The following RIMS2 variants were observed in gnomAD, a reference collection of about 807,000 sequenced individuals.
RIMS2 encodes regulating synaptic membrane exocytosis protein 2.
A neutral mutation model predicts 174.4 loss-of-function variants in RIMS2; 59 were observed. The ratio of observed to expected loss-of-function variants is 0.34; its 90% CI spans 0.27 to 0.42. The LOEUF (loss-of-function observed/expected upper bound fraction) is 0.42, where lower values mean the gene tolerates loss of function less well. RIMS2 is among the 10% of genes least tolerant of loss of function. The probability of loss-of-function intolerance (pLI) is 1.00; values close to 1 mark genes in which losing one functional copy is unlikely to be tolerated. For synonymous variants in RIMS2, 606 were observed against 572.5 expected, an observed-to-expected ratio of 1.06 and a Z score of -0.84; for missense variants, 1,620 against 1,666.3, an observed-to-expected ratio of 0.97 and a Z score of 0.48.
At chr8:103,686,560 G>T (rs192874014) in intron 1 of RIMS2, among the ~76,000 whole-genome samples, 59 of 152,154 alleles carry the variant, frequency 3.9e-4, no homozygotes, top group African/African-American at 1.4e-3. Flanking sequence ...ATATTTTTAG[G>T]TAATCATATT....
chr8:103,951,888 T>C (rs575247830), intron 14 of RIMS2, among the ~76,000 whole-genome samples: 1 of 152,324 alleles, frequency 6.6e-6, no homozygotes, highest in African/African-American at 2.4e-5. Context: ...CAGTCTGAGT[T>C]CTACCTGGGA....
intron 3 of RIMS2, among the ~76,000 whole-genome samples, chr8:103,782,151 T>C (rs2098397276): frequency 6.6e-6 from 1 of 152,126 alleles, no homozygotes; most frequent in East Asian, 1.9e-4. Flanking sequence ...CTATTTTTGT[T>C]TGAGTGTGTA....
chr8:103,615,906 C>G (rs6468883), intron 1 of RIMS2, among the ~76,000 whole-genome samples: 57,092 of 151,866 alleles, frequency 0.38, 11,066 homozygotes, highest in African/African-American at 0.4. Flanking sequence ...AAACGCCCAA[C>G]ACCTGATGGA....
chr8:104,222,229 G>C (rs143037034), intron 19 of RIMS2, among the ~76,000 whole-genome samples: 2 of 152,180 alleles, frequency 1.3e-5, no homozygotes, highest in African/African-American at 4.8e-5. Context: ...TAAGCTTCAT[G>C]AGAGCAGGGA....
chr8:104,252,461 G>T (rs1407530395), downstream of RIMS2: 1 of 150,012 alleles, frequency 6.7e-6, no homozygotes, highest in African/African-American at 2.5e-5. Context: ...TGAAATTAAA[G>T]AAACTTTTTT....
At chr8:104,153,000 C>T (rs547739353) in intron 19 of RIMS2, among the ~76,000 whole-genome samples, 1 of 152,094 alleles carries the variant, frequency 6.6e-6, no homozygotes, top group African/African-American at 2.4e-5. Flanking sequence ...AGAGTAGAAA[C>T]TCAGCAAAAC....
chr8:104,212,651 G>A (rs534861990), intron 19 of RIMS2, among the ~76,000 whole-genome samples: 2 of 152,232 alleles, frequency 1.3e-5, no homozygotes, highest in East Asian at 1.9e-4. Context: ...ACTAAATCAT[G>A]ATTTCTTTAC....
At chr8:104,098,494 T>C (rs1446540563) in intron 19 of RIMS2, among the ~76,000 whole-genome samples, 2 of 152,158 alleles carry the variant, frequency 1.3e-5, no homozygotes, top group African/African-American at 2.4e-5. Flanking sequence ...AGCAACAATG[T>C]TGGTAATTTT....
chr8:103,557,644 A>G (rs2090739425), intron 1 of RIMS2, among the ~76,000 whole-genome samples: 1 of 152,222 alleles, frequency 6.6e-6, no homozygotes, highest in Admixed American at 6.5e-5. Flanking sequence ...TACATTCTCT[A>G]TCATTGCTAT....
At chr8:104,081,313 G>C (rs1053500624) in intron 19 of RIMS2, among the ~76,000 whole-genome samples, 2 of 151,918 alleles carry the variant, frequency 1.3e-5, no homozygotes, top group African/African-American at 4.8e-5. Context: ...TATTTCAATA[G>C]AACATAAAAC....
intron 17 of RIMS2, among the ~76,000 whole-genome samples, chr8:104,004,095 A>T (rs1451853714): frequency 6.6e-6 from 1 of 152,152 alleles, no homozygotes; most frequent in East Asian, 1.9e-4. Context: ...TAGGTGTGAG[A>T]CAAGTTCAGT....
intron 1 of RIMS2, among the ~76,000 whole-genome samples, chr8:103,680,548 T>C (rs2096867406): frequency 6.6e-6 from 1 of 152,016 alleles, no homozygotes; most frequent in Non-Finnish European, 1.5e-5. Context: ...AATTGAAGTA[T>C]TTGACTACCT....
chr8:104,123,293 G>T (rs2098400415), intron 19 of RIMS2, among the ~76,000 whole-genome samples: 1 of 151,852 alleles, frequency 6.6e-6, no homozygotes, highest in Non-Finnish European at 1.5e-5. Flanking sequence ...ACTCTAAAAA[G>T]CATTTCTAAT....
chr8:104,060,590 G>A (rs1597992309), intron 19 of RIMS2, among the ~76,000 whole-genome samples: 1 of 151,442 alleles, frequency 6.6e-6, no homozygotes, highest in South Asian at 2.1e-4. Context: ...TCTGATTTTA[G>A]TTATTTCTTG....
intron 19 of RIMS2, among the ~76,000 whole-genome samples, chr8:104,105,894 G>T (rs1159239611): frequency 6.6e-6 from 1 of 151,604 alleles, no homozygotes; most frequent in Non-Finnish European, 1.5e-5. Flanking sequence ...AAAAAATTTA[G>T]CTGGGCATGG....
chr8:104,149,998 A>G (rs963125946), intron 19 of RIMS2, among the ~76,000 whole-genome samples: 2 of 152,194 alleles, frequency 1.3e-5, no homozygotes, highest in African/African-American at 2.4e-5. Context: ...AGTTTAATTT[A>G]TGGACAGTGG....
intron 3 of RIMS2, among the ~76,000 whole-genome samples, chr8:103,778,867 C>G (rs901026826): frequency 6.6e-5 from 10 of 152,092 alleles, no homozygotes; most frequent in African/African-American, 2.2e-4. Flanking sequence ...ATGTCCCCAC[C>G]AAGTGTATGA....
At chr8:103,629,045 C>T (rs1332056028) in intron 1 of RIMS2, among the ~76,000 whole-genome samples, 1 of 152,138 alleles carries the variant, frequency 6.6e-6, no homozygotes, top group Non-Finnish European at 1.5e-5. Context: ...GTGAGAGAGG[C>T]CCCTGTTCCC....
chr8:104,021,869 T>C (rs752838871), intron 19 of RIMS2, among the ~76,000 whole-genome samples: 10 of 152,168 alleles, frequency 6.6e-5, no homozygotes, highest in Non-Finnish European at 1.3e-4. Flanking sequence ...ATTAAGGCTT[T>C]TCAAAGATAG....
Sources: allele counts gnomAD v4.1 joint callset (sites outside exome capture counted in the v4.1 genomes callset), GRCh38; gene constraint gnomAD v4.1.1; transcripts MANE v1.5; gene names NCBI Gene and HGNC (gene_info 2026-07-23, HGNC 2026-07-21).